Variants in CACNA2D1 observed in about 807,000 individuals in gnomAD.
The protein encoded by CACNA2D1 is voltage-dependent calcium channel subunit alpha-2/delta-1.
In CACNA2D1, 53 loss-of-function variants were observed where a neutral mutation model predicts 171.5. The ratio of observed to expected loss-of-function variants is 0.31; its 90% confidence interval spans 0.25 to 0.39. CACNA2D1 has a LOEUF of 0.39. CACNA2D1 is among the 10% of genes least tolerant of loss of function. CACNA2D1 has a pLI of 1.00. For synonymous variants in CACNA2D1, 442 were observed against 443.1 expected (o/e 1.00, Z 0.03); for missense variants, 903 against 1,299.8 (o/e 0.69, Z 4.69).
intron 3 of CACNA2D1, among the ~76,000 whole-genome samples, chr7:82,234,894 C>T (rs1358073336): frequency 6.6e-6 from 1 of 152,158 alleles, no homozygotes. Flanking sequence ...GAACTCACAA[C>T]AGACTTCTAC....
intron 10 of CACNA2D1, among the ~76,000 whole-genome samples, chr7:82,045,030 A>C (rs1353116646): frequency 6.6e-6 from 1 of 152,052 alleles, no homozygotes; most frequent in East Asian, 1.9e-4. Flanking sequence ...ACTTTGGTTC[A>C]TTTGCTACTG....
intron 7 of CACNA2D1, among the ~76,000 whole-genome samples, chr7:82,070,051 C>G (rs1292557882): frequency 1.3e-5 from 2 of 152,066 alleles, no homozygotes; most frequent in Non-Finnish European, 2.9e-5. Flanking sequence ...GGACTATTTT[C>G]AAGCCCAAAT....
At chr7:81,956,905 G>A (rs1357316057) in intron 38 of CACNA2D1, among the ~76,000 whole-genome samples, 1 of 152,058 alleles carries the variant, frequency 6.6e-6, no homozygotes, top group African/African-American at 2.4e-5. Context: ...GTATTGAATA[G>A]AGAACTCAGA....
intron 3 of CACNA2D1, among the ~76,000 whole-genome samples, chr7:82,272,471 G>C (rs145776999): frequency 9.2e-4 from 140 of 152,274 alleles, no homozygotes; most frequent in Non-Finnish European, 1.8e-3. Flanking sequence ...AAAGTAGAAA[G>C]GATAGCACGC....
intron 7 of CACNA2D1, among the ~76,000 whole-genome samples, chr7:82,081,719 C>A (rs1322968356): frequency 6.6e-6 from 1 of 152,134 alleles, no homozygotes; most frequent in Non-Finnish European, 1.5e-5. Context: ...CCAGTGACAC[C>A]CCTGCCCAGG....
chr7:81,952,441 G>C (rs1379737207), intron 38 of CACNA2D1, among the ~76,000 whole-genome samples: 1 of 151,962 alleles, frequency 6.6e-6, no homozygotes, highest in Non-Finnish European at 1.5e-5. Flanking sequence ...TGGGAGAAAA[G>C]AATCTATGAA....
rs147759058 is a variant in CACNA2D1, at chr7:81,956,643, T to C, written c.3159+2632A>G. The stretch of plus-strand genomic sequence containing the variant: ...TGCCAGAAGACTTGTGGTTATTTTC[T>C]GAGACTCCCTCTGCTATTCTACTCC... On this transcript the variant is annotated intron_variant, in intron 38 of 38. Coordinates refer to ENST00000356860, the MANE Select transcript of CACNA2D1 (RefSeq NM_000722.4). Among the ~76,000 whole-genome samples the C allele has an allele frequency of 1.6e-4, 24 of 152,258 alleles. No homozygotes were observed. The East Asian group carries it at 4.6e-3, about 29-fold the overall frequency.
At chr7:82,144,439 C>T (rs542735625) in intron 4 of CACNA2D1, among the ~76,000 whole-genome samples, 2 of 152,100 alleles carry the variant, frequency 1.3e-5, no homozygotes, top group East Asian at 3.9e-4. Flanking sequence ...TCCCCTTTTT[C>T]TCCCCTGTGT....
intron 30 of CACNA2D1, 121 bp downstream of exon 30, chr7:81,967,475 A>T (rs2130370767): frequency 1.5e-6 from 1 of 656,426 alleles, no homozygotes. Flanking sequence ...GGAATTCAGA[A>T]TTCTACTTCA....
intron 3 of CACNA2D1, among the ~76,000 whole-genome samples, chr7:82,332,331 C>T (rs1460465301): frequency 6.6e-6 from 1 of 152,106 alleles, no homozygotes; most frequent in Non-Finnish European, 1.5e-5. Context: ...GCTGAGATTA[C>T]TGGCATGAGC....
chr7:82,357,124 T>A lies in CACNA2D1; in HGVS notation c.96-7475A>T, dbSNP rs117869041. 5.1e-3 allele frequency among the ~76,000 whole-genome samples: 776 copies of A among 152,294 alleles called. 21 individuals are homozygous for A. The East Asian group carries it at 0.081, about 16-fold the overall frequency. On this transcript the variant is annotated intron_variant, in intron 1 of 38. Transcript: ENST00000356860. ...AAATTCTAAAAATAAACATATAGAA[T>A]ATGCAGATTTTCATTAAGCATGAGA...
intron 1 of CACNA2D1, among the ~76,000 whole-genome samples, chr7:82,388,989 A>G (rs918173648): frequency 1.5e-4 from 22 of 151,650 alleles, no homozygotes; most frequent in African/African-American, 4.4e-4. Context: ...GGTGGCACAC[A>G]CCTGTAATCC....
At position 82,018,784 on chromosome 7, in the gene CACNA2D1, A is replaced by T. The variant is rs111791980; in HGVS notation, c.1144-4305T>A. Among the ~76,000 whole-genome samples the T allele has an allele frequency of 9.4e-3, 1,431 of 151,990 alleles. 30 individuals are homozygous for T. The highest frequency in any genetic ancestry group is 0.032 in the African/African-American group (1,343 of 41,438). On this transcript the variant is annotated intron_variant, in intron 12 of 38. Coordinates refer to ENST00000356860, the MANE Select transcript of CACNA2D1 (RefSeq NM_000722.4). ...GATCACTTGAGCTCAGGAGTTCAAGACCAGCCTGGGCAACATAGTGAGACC... is the reference window on the plus strand; with the variant it reads ...GATCACTTGAGCTCAGGAGTTCAAGTCCAGCCTGGGCAACATAGTGAGACC...
chr7:81,965,367 C>T (rs1446269827), intron 32 of CACNA2D1, among the ~76,000 whole-genome samples: 1 of 151,828 alleles, frequency 6.6e-6, no homozygotes, highest in Non-Finnish European at 1.5e-5. Flanking sequence ...AAATCCTTAA[C>T]TGTATGTTTT....
At position 82,425,041 on chromosome 7, in the gene CACNA2D1, G is replaced by A. The variant is rs541834860; in HGVS notation, c.95+18324C>T. Among the ~76,000 whole-genome samples, 136 of 152,226 alleles carry A rather than the reference G, an allele frequency of 8.9e-4. 1 individual carries two copies. The highest frequency in any genetic ancestry group is 3.1e-3 in the African/African-American group (129 of 41,532). ...TGTGAGTGGGGACCATGATATGAAG[G>A]GATGTCACTCCCTTAATTATGTGAC... On this transcript the variant is annotated intron_variant, in intron 1 of 38. Coordinates refer to ENST00000356860, the MANE Select transcript of CACNA2D1 (RefSeq NM_000722.4).
At chr7:82,201,960 C>T (rs934474554) in intron 3 of CACNA2D1, among the ~76,000 whole-genome samples, 2 of 152,154 alleles carry the variant, frequency 1.3e-5, no homozygotes, top group Admixed American at 6.5e-5. Context: ...TCTAGGAGGC[C>T]TGGACTAAGA....
chr7:82,202,066 C>T (rs73164222), intron 3 of CACNA2D1, among the ~76,000 whole-genome samples: 3,748 of 152,258 alleles, frequency 0.025, 58 homozygotes, highest in Non-Finnish European at 0.038. Context: ...GTTTGGAGTG[C>T]GGGCACACAA....
intron 1 of CACNA2D1, among the ~76,000 whole-genome samples, chr7:82,412,795 T>A (rs887255897): frequency 6.6e-6 from 1 of 151,972 alleles, no homozygotes; most frequent in African/African-American, 2.4e-5. Flanking sequence ...TGTTAAAAAG[T>A]ACTTGATATT....
At chr7:81,993,588 AT>A (rs1797765855) in intron 20 of CACNA2D1, among the ~76,000 whole-genome samples, 1 of 152,158 alleles carries the variant, frequency 6.6e-6, no homozygotes, top group African/African-American at 2.4e-5. Flanking sequence ...AATAATACGT[AT>A]GCACAGTGTT....
Sources: allele counts gnomAD v4.1 joint callset (sites outside exome capture counted in the v4.1 genomes callset), GRCh38; gene constraint gnomAD v4.1.1; transcripts MANE v1.5; gene names NCBI Gene and HGNC (gene_info 2026-07-23, HGNC 2026-07-21).